ZDHHC15: variants seen among roughly 807,000 people sequenced by gnomAD.
ZDHHC15 encodes palmitoyltransferase ZDHHC15.
A neutral mutation model predicts 31.7 loss-of-function variants in ZDHHC15; 19 were observed. The ratio of observed to expected loss-of-function variants is 0.60; its 90% CI spans 0.42 to 0.88. The LOEUF (loss-of-function observed/expected upper bound fraction) is 0.88, where lower values mean the gene tolerates loss of function less well. ZDHHC15 is among the 40% of genes least tolerant of loss of function. ZDHHC15 has a pLI of 0.00. For missense variants in ZDHHC15, 209 were observed against 251.2 expected (o/e 0.83, Z 1.14); for synonymous variants, 103 against 90.0 (o/e 1.14, Z -0.82).
rs759695027 is a variant in ZDHHC15, at chrX:75,505,466, C to T, written c.163+355G>A. ...TTAGCCTTTAAAGTCTCTTCTGGGGCCTTTACTCCATGCCTTAAAGAGGAG... is the reference window on the plus strand; with the variant it reads ...TTAGCCTTTAAAGTCTCTTCTGGGGTCTTTACTCCATGCCTTAAAGAGGAG... On this transcript the variant is annotated intron_variant, in intron 2 of 11. Transcript: ENST00000373367. Among the ~76,000 whole-genome samples, 5 of 110,484 alleles carry T rather than the reference C, an allele frequency of 4.5e-5. No homozygotes were observed. The South Asian group carries it at 1.9e-3, about 43-fold the overall frequency.
chrX:75,424,570 G>A, intron 8 of ZDHHC15, 82 bp downstream of exon 8: 2 of 1,010,373 alleles, frequency 2.0e-6, no homozygotes, highest in Admixed American at 7.3e-5. Context: ...ATGCTTCACT[G>A]GAAGTTTTAA....
At chrX:75,433,695 G>A (rs1384970326) in intron 4 of ZDHHC15, among the ~76,000 whole-genome samples, 546 of 4,966 alleles carry the variant, frequency 0.11, 4 homozygotes, top group African/African-American at 0.13. Context: ...GTGTGTGTGT[G>A]TGTATATATA....
chrX:75,487,148 C>A (rs975330290), intron 2 of ZDHHC15, among the ~76,000 whole-genome samples: 1 of 111,966 alleles, frequency 8.9e-6, no homozygotes, highest in Admixed American at 9.5e-5. Flanking sequence ...ATTCCATGTC[C>A]TACAACACCC....
Position 75,379,207 on chromosome X carries a change from T to C in ZDHHC15, c.968-9A>G. The C allele has an allele frequency of 8.3e-7, 1 of 1,210,671 alleles. No individual in the cohort carries two copies. The highest frequency in any genetic ancestry group is 1.1e-6 in the Non-Finnish European group (1 of 894,864). ...TGAGCCTTCTGGATAATCTGCAAGG[T>C]TGAAACGTGAAGATGATCAAATGTC... On this transcript the variant is annotated splice_polypyrimidine_tract_variant and intron_variant, in intron 10 of 11. Transcript: ENST00000373367.
Position 75,369,459 on chromosome X carries a change from G to A in ZDHHC15, c.*3519C>T, listed in dbSNP as rs2082986850. Reference sequence around the variant, plus strand: ...CCTGTTAAATTAATTTTAGGTTCATGTTACAATAATGTATAATATTCAGTA... The same window carrying A: ...CCTGTTAAATTAATTTTAGGTTCATATTACAATAATGTATAATATTCAGTA... On this transcript the variant is annotated 3_prime_UTR_variant, in exon 12 of 12. Coordinates refer to ENST00000373367, the MANE Select transcript of ZDHHC15 (RefSeq NM_144969.3). 9.0e-6 allele frequency: 1 copy of A among 111,230 alleles called. No homozygotes were observed. Among genetic ancestry groups the A allele is most frequent in the South Asian group, 3.8e-4 (1 of 2,655 alleles). The allele number at this position is 111,230 out of a possible 1,213,427, so 9.2% of individuals were successfully genotyped here. A position where few individuals can be genotyped will look rare whatever the true frequency, so the allele number is the denominator to read the frequency against.
intron 2 of ZDHHC15, among the ~76,000 whole-genome samples, chrX:75,483,858 A>G (rs2084733936): frequency 1.8e-5 from 2 of 111,162 alleles, no homozygotes; most frequent in Admixed American, 9.6e-5. Flanking sequence ...CACAAAGCAG[A>G]ATCCCTATTG....
intron 1 of ZDHHC15, among the ~76,000 whole-genome samples, chrX:75,519,108 C>T (rs2085410005): frequency 9.2e-6 from 1 of 109,259 alleles, no homozygotes; most frequent in Admixed American, 9.9e-5. Context: ...ATAACAAAAA[C>T]ATTTTGGAAC....
intron 4 of ZDHHC15, among the ~76,000 whole-genome samples, chrX:75,449,197 TCTATACACACAC>T (rs765276383): frequency 0.24 from 8,598 of 35,962 alleles, 335 homozygotes; most frequent in Middle Eastern, 0.45. Flanking sequence ...TCTCTCTCTC[TCTATACACACAC>T]ACACACACAC....
intron 3 of ZDHHC15, among the ~76,000 whole-genome samples, chrX:75,472,147 C>T (rs1405563231): frequency 4.5e-5 from 5 of 111,641 alleles, no homozygotes; most frequent in Non-Finnish European, 7.5e-5. Flanking sequence ...AGCTCAAATG[C>T]CCATGGTCTC....
chrX:75,478,148 T>C (rs1490947302), intron 3 of ZDHHC15, among the ~76,000 whole-genome samples: 5 of 111,965 alleles, frequency 4.5e-5, no homozygotes, highest in Non-Finnish European at 9.4e-5. Flanking sequence ...TTTAAAAATA[T>C]TGCATGAAAC....
chrX:75,456,639 G>A (rs935678171), intron 3 of ZDHHC15, among the ~76,000 whole-genome samples: 3 of 110,961 alleles, frequency 2.7e-5, no homozygotes, highest in East Asian at 2.8e-4. Flanking sequence ...AAGACAGTGC[G>A]GGGATTCCTC....
intron 10 of ZDHHC15, among the ~76,000 whole-genome samples, chrX:75,393,761 T>A (rs2083270428): frequency 9.0e-6 from 1 of 111,617 alleles, no homozygotes; most frequent in Admixed American, 9.6e-5. Context: ...GAAACAGAAC[T>A]AATGGAATTA....
intron 2 of ZDHHC15, among the ~76,000 whole-genome samples, chrX:75,492,885 A>G (rs1383448563): frequency 1.8e-5 from 2 of 111,819 alleles, no homozygotes; most frequent in Non-Finnish European, 3.8e-5. Flanking sequence ...GAGAAGCAAG[A>G]GCAAACACAT....
chrX:75,470,868 C>T (rs748762599), intron 3 of ZDHHC15, among the ~76,000 whole-genome samples: 136 of 111,588 alleles, frequency 1.2e-3, no homozygotes, highest in Non-Finnish European at 2.0e-3. Context: ...ATTAGAGCTG[C>T]CTCTACCTAG....
chrX:75,445,041 C>T (rs2084014244), intron 4 of ZDHHC15, among the ~76,000 whole-genome samples: 1 of 110,262 alleles, frequency 9.1e-6, no homozygotes, highest in Non-Finnish European at 1.9e-5. Context: ...TAGGACTACA[C>T]CATCACCTTT....
intron 3 of ZDHHC15, among the ~76,000 whole-genome samples, chrX:75,467,053 T>A (rs1191309668): frequency 9.0e-6 from 1 of 111,678 alleles, no homozygotes; most frequent in East Asian, 2.8e-4. Flanking sequence ...AAAATAAAAG[T>A]TTAAGACAAA....
chrX:75,407,450 C>A (rs1422595934), intron 10 of ZDHHC15, among the ~76,000 whole-genome samples: 19 of 106,120 alleles, frequency 1.8e-4, no homozygotes, highest in Non-Finnish European at 3.2e-4. Flanking sequence ...TGGGAGGCAG[C>A]CCCCGCCCGG....
intron 10 of ZDHHC15, among the ~76,000 whole-genome samples, chrX:75,399,918 A>G (rs1270389639): frequency 1.8e-5 from 2 of 111,704 alleles, no homozygotes; most frequent in Non-Finnish European, 3.8e-5. Context: ...AGCTTCAAAT[A>G]AAGACACTAC....
chrX:75,375,461 A>C (rs2083050509), intron 11 of ZDHHC15, among the ~76,000 whole-genome samples: 1 of 111,445 alleles, frequency 9.0e-6, no homozygotes, highest in African/African-American at 3.3e-5. Context: ...CAGGTTCGTT[A>C]GGTGGTATAT....
Sources: gnomAD v4.1 joint callset for allele counts (sites outside exome capture counted in the v4.1 genomes callset) on GRCh38, gnomAD v4.1.1 for gene constraint, MANE v1.5 for transcripts, NCBI Gene and HGNC (gene_info 2026-07-23, HGNC 2026-07-21) for gene names.